Variants in BNIP3L observed in about 807,000 individuals in gnomAD.
The protein encoded by BNIP3L is BCL2 interacting protein 3 like, also known as BCL2/adenovirus E1B 19 kDa protein-interacting protein 3-like.
A neutral mutation model predicts 25.5 loss-of-function variants in BNIP3L; 10 were observed. The ratio of observed to expected loss-of-function variants is 0.39; its 90% CI spans 0.24 to 0.67. The LOEUF (loss-of-function observed/expected upper bound fraction) is 0.67. BNIP3L is among the 30% of genes least tolerant of loss of function. The pLI, the probability that BNIP3L is intolerant of heterozygous loss-of-function variation, is 0.45. For synonymous variants in BNIP3L, 113 were observed against 101.2 expected (o/e 1.12, Z -0.70); for missense variants, 215 against 270.9 (o/e 0.79, Z 1.45).
At chr8:26,403,172 G>A (rs1379923861) in intron 3 of BNIP3L, among the ~76,000 whole-genome samples, 2 of 152,210 alleles carry the variant, frequency 1.3e-5, no homozygotes, top group Non-Finnish European at 2.9e-5. Flanking sequence ...AAAGGGAAGA[G>A]TTTGGAAAGA....
At chr8:26,387,185 G>A (rs1806010832) in intron 1 of BNIP3L, among the ~76,000 whole-genome samples, 1 of 152,108 alleles carries the variant, frequency 6.6e-6, no homozygotes, top group African/African-American at 2.4e-5. Flanking sequence ...ACAACATACG[G>A]CAATGAGTAT....
rs1805895198 is a variant in BNIP3L, at chr8:26,383,221, G to A, written c.91G>A (p.Gly31Ser). 5 of 1,609,710 alleles carry A rather than the reference G, an allele frequency of 3.1e-6. No homozygotes were observed. Among genetic ancestry groups the A allele is most frequent in the Non-Finnish European group, 4.2e-6 (5 of 1,178,686 alleles). Reference sequence around the variant, plus strand: ...TGAGCAGTCTCTGCCCCCGCCGGCCGGCCTCAACAGTGAGTGCGGGGCCGA... The same window carrying A: ...TGAGCAGTCTCTGCCCCCGCCGGCCAGCCTCAACAGTGAGTGCGGGGCCGA... Reference protein sequence around the residue: ...ENEQSLPPPAGLNSSWVELPM... With the variant: ...ENEQSLPPPASLNSSWVELPM... The change falls in exon 1 of 6, where the codon GGC becomes AGC. Residue 31 changes from glycine to serine, a missense_variant. By Grantham distance (56) the Gly-to-Ser change is moderately conservative (BLOSUM62 0). Coordinates refer to ENST00000380629, the MANE Select transcript of BNIP3L (RefSeq NM_004331.3).
intron 3 of BNIP3L, among the ~76,000 whole-genome samples, chr8:26,406,469 T>C (rs947271044): frequency 2.0e-5 from 3 of 152,212 alleles, no homozygotes; most frequent in Non-Finnish European, 2.9e-5. Flanking sequence ...AGTCTCCTCA[T>C]CTGTAAAATG....
At chr8:26,398,664 A>G (rs1806301798) in intron 3 of BNIP3L, among the ~76,000 whole-genome samples, 1 of 140,942 alleles carries the variant, frequency 7.1e-6, no homozygotes, top group Non-Finnish European at 1.5e-5. Flanking sequence ...AAAACCCTTC[A>G]AAAAATCAAT....
Position 26,401,256 on chromosome 8 carries a change from G to A in BNIP3L, c.357+5954G>A, listed in dbSNP as rs1220036987. 2.1e-3 allele frequency among the ~76,000 whole-genome samples: 284 copies of A among 135,206 alleles called. 3 individuals are homozygous for A. The highest frequency in any genetic ancestry group is 6.9e-3 in the African/African-American group (250 of 36,268). 88.7% of individuals were successfully genotyped at this position (135,206 alleles called of 152,430 possible). A position where few individuals can be genotyped will look rare whatever the true frequency, so the allele number is the denominator to read the frequency against. On this transcript the variant is annotated intron_variant, in intron 3 of 5. Coordinates refer to ENST00000380629, the MANE Select transcript of BNIP3L (RefSeq NM_004331.3). ...CAGCCATAAAAAATGATGAGTTCAT[G>A]TCCTTTGTAGGGACATGGATGAAAT... is the stretch of plus-strand genomic sequence containing the variant.
chr8:26,405,915 C>T (rs1243721405), intron 3 of BNIP3L, among the ~76,000 whole-genome samples: 3 of 152,092 alleles, frequency 2.0e-5, no homozygotes, highest in Non-Finnish European at 4.4e-5. Flanking sequence ...TAGTGCCAGG[C>T]GCCTGTAATC....
chr8:26,383,282 C>A, intron 1 of BNIP3L, 52 bp downstream of exon 1: 2 of 1,563,068 alleles, frequency 1.3e-6, no homozygotes, highest in East Asian at 2.3e-5. Context: ...AGGAGCAGCC[C>A]CGGCCGCCGC....
intron 3 of BNIP3L, among the ~76,000 whole-genome samples, chr8:26,398,995 G>A (rs1186579982): frequency 6.6e-6 from 1 of 151,306 alleles, no homozygotes; most frequent in Non-Finnish European, 1.5e-5. Flanking sequence ...GGTACAAGGA[G>A]GAACTGGTAC....
At chr8:26,406,754 C>T (rs190972951) in intron 3 of BNIP3L, among the ~76,000 whole-genome samples, 2 of 150,706 alleles carry the variant, frequency 1.3e-5, no homozygotes, top group Admixed American at 1.3e-4. Flanking sequence ...CCCAGGAGTT[C>T]GAGGCTGCAG....
In BNIP3L at chr8:26,395,266, T is replaced by G. The variant is rs938759117; in HGVS notation, c.321T>G (p.Asp107Glu). The G allele has an allele frequency of 6.2e-7, 1 of 1,614,108 alleles. No homozygotes were observed. The highest frequency in any genetic ancestry group is 8.5e-7 in the Non-Finnish European group (1 of 1,179,998). The change falls in exon 3 of 6, where the codon GAT becomes GAG. Residue 107 changes from aspartate to glutamate, a missense_variant. This residue lies in a region of BNIP3L where 47 missense variants were observed against 43.3 expected (regional missense o/e 1.09). Transcript: ENST00000380629. ...SPQEDGQIMFDVEMHTSRDHS... is the reference protein window; with the variant it reads ...SPQEDGQIMFEVEMHTSRDHS... ...AAGAAGATGGGCAGATCATGTTTGA[T>G]GTGGAAATGCACACCAGCAGGGACC...
chr8:26,404,534 GT>G (rs1369331874), intron 3 of BNIP3L, among the ~76,000 whole-genome samples: 5 of 152,016 alleles, frequency 3.3e-5, no homozygotes, highest in Non-Finnish European at 7.4e-5. Context: ...TTTGTTTTTT[GT>G]TTTTGAGATG....
chr8:26,403,883 C>T (rs888419356), intron 3 of BNIP3L, among the ~76,000 whole-genome samples: 1 of 152,080 alleles, frequency 6.6e-6, no homozygotes, highest in African/African-American at 2.4e-5. Flanking sequence ...GATATTATCC[C>T]CATGGACCAG....
chr8:26,391,263 A>G lies in BNIP3L; in HGVS notation c.121A>G (p.Met41Val). The G allele has an allele frequency of 1.9e-6, 3 of 1,609,782 alleles. 1 individual carries two copies. The highest frequency in any genetic ancestry group is 4.5e-5 in the East Asian group (2 of 44,710). The part of the protein sequence containing the change: ...GLNSSWVELP[M>V]NSSNGNDNGN... ...AACAGGTTCCTGGGTGGAGCTACCC[A>G]TGAACAGCAGCAATGGCAATGATAA... The change falls in exon 2 of 6, where the codon ATG becomes GTG. Residue 41 changes from methionine (M) to valine (V), a missense_variant. This residue lies in a region of BNIP3L where 69 missense variants were observed against 53.6 expected (regional missense o/e 1.29). Coordinates refer to ENST00000380629, the MANE Select transcript of BNIP3L (RefSeq NM_004331.3).
chr8:26,401,414 G>C (rs1204439061), intron 3 of BNIP3L, among the ~76,000 whole-genome samples: 1 of 151,528 alleles, frequency 6.6e-6, no homozygotes, highest in East Asian at 1.9e-4. Context: ...TGGGGACTGT[G>C]GTGGGGAGCG....
chr8:26,407,101 G>A (rs891500599), intron 3 of BNIP3L, among the ~76,000 whole-genome samples: 7 of 151,432 alleles, frequency 4.6e-5, no homozygotes, highest in African/African-American at 1.7e-4. Flanking sequence ...CACCTCCCAG[G>A]CTCAAGCGAT....
intron 5 of BNIP3L, among the ~76,000 whole-genome samples, chr8:26,408,994 A>G (rs564407438): frequency 6.6e-6 from 1 of 151,954 alleles, no homozygotes; most frequent in South Asian, 2.1e-4. Flanking sequence ...ATCTTGAGTA[A>G]TTTATGAACT....
chr8:26,395,015 G>T (rs867275426), intron 2 of BNIP3L, among the ~76,000 whole-genome samples: 14 of 152,284 alleles, frequency 9.2e-5, no homozygotes, highest in African/African-American at 3.4e-4. Context: ...CATTACTACT[G>T]AAAAAGTGCA....
At chr8:26,388,884 G>A (rs191526131) in intron 1 of BNIP3L, among the ~76,000 whole-genome samples, 1 of 152,220 alleles carries the variant, frequency 6.6e-6, no homozygotes, top group Admixed American at 6.5e-5. Context: ...CAGCTTCTTG[G>A]GAGGCTGAGG....
rs199795011 is a variant in BNIP3L at position 26,399,988 on chromosome 8, C to T, written c.357+4686C>T. Among the ~76,000 whole-genome samples the T allele has an allele frequency of 1.1e-3, 169 of 151,244 alleles. 1 individual carries two copies. In the East Asian group the frequency reaches 0.018, roughly 16 times the overall value. On this transcript the variant is annotated intron_variant, in intron 3 of 5. Coordinates refer to ENST00000380629, the MANE Select transcript of BNIP3L (RefSeq NM_004331.3). ...CAATATCGTGAAAATGGCCATACTG[C>T]CCAAGATAATTTACAGATTCAGTGC...
Sources: gnomAD v4.1 joint callset for allele counts (sites outside exome capture counted in the v4.1 genomes callset) on GRCh38, gnomAD v4.1.1 for gene constraint, gnomAD v4.1.1 regional missense constraint, MANE v1.5 for transcripts, NCBI Gene and HGNC (gene_info 2026-07-23, HGNC 2026-07-21) for gene names.